The following NELL2 variants were observed in gnomAD, a reference collection of about 807,000 sequenced individuals.
The protein encoded by NELL2 is protein kinase C-binding protein NELL2.
A neutral mutation model predicts 109.6 loss-of-function variants in NELL2; 41 were observed. The ratio of observed to expected loss-of-function variants is 0.37; its 90% CI spans 0.29 to 0.49. The LOEUF (loss-of-function observed/expected upper bound fraction) is 0.49, where lower values mean the gene tolerates loss of function less well. NELL2 is among the 20% of genes least tolerant of loss of function. NELL2 has a pLI of 0.98. For synonymous variants in NELL2, 355 were observed against 344.7 expected (o/e 1.03, Z -0.33); for missense variants, 900 against 1,008.3 (o/e 0.89, Z 1.45).
intron 15 of NELL2, among the ~76,000 whole-genome samples, chr12:44,533,049 C>T (rs1294616199): frequency 1.3e-5 from 2 of 152,168 alleles, no homozygotes; most frequent in Non-Finnish European, 2.9e-5. Flanking sequence ...TCTCCAGGCC[C>T]TTCAAGTTAG....
chr12:44,765,907 T>C (rs1941312261), intron 9 of NELL2, among the ~76,000 whole-genome samples: 1 of 152,040 alleles, frequency 6.6e-6, no homozygotes, highest in Admixed American at 6.6e-5. Flanking sequence ...GGCAGATCAC[T>C]TTAGGTGTTT....
chr12:44,899,007 A>G (rs1372502267), intron 1 of NELL2, among the ~76,000 whole-genome samples: 6 of 152,144 alleles, frequency 3.9e-5, no homozygotes, highest in Non-Finnish European at 4.4e-5. Context: ...AAAGGATATC[A>G]GAGATTGAAG....
chr12:44,548,539 C>T (rs765886311), intron 15 of NELL2, among the ~76,000 whole-genome samples: 3 of 74,470 alleles, frequency 4.0e-5, no homozygotes, highest in East Asian at 5.9e-4. Context: ...TGTGAGACTC[C>T]GTCTAAAAAA....
At chr12:44,712,803 T>C (rs1938275533) in intron 10 of NELL2, among the ~76,000 whole-genome samples, 1 of 151,980 alleles carries the variant, frequency 6.6e-6, no homozygotes, top group Non-Finnish European at 1.5e-5. Flanking sequence ...GAATGTACAA[T>C]ATTTTATTAA....
chr12:44,608,245 T>C (rs1461108949), intron 14 of NELL2, among the ~76,000 whole-genome samples: 1 of 152,096 alleles, frequency 6.6e-6, no homozygotes, highest in Non-Finnish European at 1.5e-5. Flanking sequence ...ATGTGCTTCC[T>C]CTAGTTAGGT....
intron 2 of NELL2, among the ~76,000 whole-genome samples, chr12:44,827,204 G>A (rs1247173216): frequency 6.6e-6 from 1 of 152,080 alleles, no homozygotes; most frequent in Non-Finnish European, 1.5e-5. Context: ...TGAGTTACAT[G>A]AGATATTTTG....
At chr12:44,784,384 G>A (rs1196154208) in intron 3 of NELL2, among the ~76,000 whole-genome samples, 4 of 151,976 alleles carry the variant, frequency 2.6e-5, no homozygotes, top group Non-Finnish European at 2.9e-5. Context: ...ATACAGAATA[G>A]AAAGGAAGAA....
At chr12:44,796,698 C>A (rs1942633390) in intron 3 of NELL2, among the ~76,000 whole-genome samples, 1 of 152,162 alleles carries the variant, frequency 6.6e-6, no homozygotes, top group South Asian at 2.1e-4. Context: ...GCAGCCAAAT[C>A]ATTGAGGATA....
chr12:44,878,303 T>C (rs1945372183), upstream of NELL2, among the ~76,000 whole-genome samples: 2 of 152,104 alleles, frequency 1.3e-5, no homozygotes, highest in Admixed American at 6.6e-5. Context: ...TTTGACCTAA[T>C]TAAATAGTAT....
chr12:44,872,445 T>C (rs1945191036), intron 2 of NELL2, among the ~76,000 whole-genome samples: 1 of 152,292 alleles, frequency 6.6e-6, no homozygotes, highest in Middle Eastern at 3.4e-3. Context: ...TTAAAACATA[T>C]GACTTTAAAA....
upstream of NELL2, chr12:44,876,886 G>A (rs1198477650): frequency 1.6e-6 from 2 of 1,286,908 alleles, no homozygotes; most frequent in Admixed American, 7.0e-5. Flanking sequence ...GGGAAGCCCC[G>A]GGTGTCCTGG....
chr12:44,882,034 C>T (rs1041846093), intron 1 of NELL2, among the ~76,000 whole-genome samples: 6 of 151,716 alleles, frequency 4.0e-5, no homozygotes, highest in Admixed American at 2.0e-4. Flanking sequence ...GTTGAAAATA[C>T]CCTTCAGGAA....
At chr12:44,876,508 TC>T, upstream of NELL2, 4 of 1,384,050 alleles carry the variant, frequency 2.9e-6, no homozygotes, top group Non-Finnish European at 3.8e-6. Context: ...TCAGCTCTTC[TC>T]CCTCCCTCTC....
chr12:44,577,974 A>G (rs1455536749), intron 15 of NELL2, among the ~76,000 whole-genome samples: 1 of 152,144 alleles, frequency 6.6e-6, no homozygotes, highest in Admixed American at 6.5e-5. Flanking sequence ...ATGCTATAGT[A>G]ATTTGTGTAT....
chr12:44,519,615 C>T (rs910410203), intron 19 of NELL2, among the ~76,000 whole-genome samples: 1 of 152,176 alleles, frequency 6.6e-6, no homozygotes, highest in Non-Finnish European at 1.5e-5. Context: ...ATGTATCTTA[C>T]GGACCTTGTA....
At chr12:44,759,373 G>A (rs1275732175) in intron 9 of NELL2, among the ~76,000 whole-genome samples, 1 of 152,182 alleles carries the variant, frequency 6.6e-6, no homozygotes, top group African/African-American at 2.4e-5. Flanking sequence ...CTGCCTAGGA[G>A]TAAAGAGGCT....
intron 12 of NELL2, among the ~76,000 whole-genome samples, chr12:44,690,309 TTAGA>T (rs1348902800): frequency 6.6e-6 from 1 of 152,296 alleles, no homozygotes; most frequent in African/African-American, 2.4e-5. Context: ...CTGAAAAGAA[TTAGA>T]TAGCCACTAA....
At chr12:44,588,105 T>C (rs1592164213) in intron 15 of NELL2, among the ~76,000 whole-genome samples, 1 of 151,106 alleles carries the variant, frequency 6.6e-6, no homozygotes, top group Admixed American at 6.6e-5. Flanking sequence ...GAGGCGGAGG[T>C]TGCAGTGAGC....
chr12:44,678,653 C>T (rs948702448), intron 12 of NELL2, among the ~76,000 whole-genome samples: 1 of 152,066 alleles, frequency 6.6e-6, no homozygotes, highest in African/African-American at 2.4e-5. Context: ...CTGCTTAAAA[C>T]GTCAGAGTGG....
Sources: allele counts gnomAD v4.1 joint callset (sites outside exome capture counted in the v4.1 genomes callset), GRCh38; gene constraint gnomAD v4.1.1; transcripts MANE v1.5; gene names NCBI Gene and HGNC (gene_info 2026-07-23, HGNC 2026-07-21).